Variants in CDKN2B-AS1 observed in about 807,000 individuals in gnomAD.
CDKN2B-AS1 encodes CDKN2B and CDKN2A antisense cis and trans regulatory RNA 1, also known as CDKN2B antisense RNA 1 (non-protein coding).
At chr9:22,086,286 T>G (rs1275603771) in intron 4 of CDKN2B-AS1, among the ~76,000 whole-genome samples, 1 of 152,230 alleles carries the variant, frequency 6.6e-6, no homozygotes, top group Non-Finnish European at 1.5e-5. Flanking sequence ...TTTATTTTAT[T>G]CTGCTCCTTT....
intron 3 of CDKN2B-AS1, among the ~76,000 whole-genome samples, chr9:22,053,232 T>C (rs1296462467): frequency 6.6e-6 from 1 of 152,210 alleles, no homozygotes; most frequent in Non-Finnish European, 1.5e-5. Context: ...AGAATGTATA[T>C]TCTTTATCAC....
At chr9:22,038,090 A>G (rs567837309) in intron 1 of CDKN2B-AS1, among the ~76,000 whole-genome samples, 190 of 152,170 alleles carry the variant, frequency 1.2e-3, no homozygotes, top group African/African-American at 4.5e-3. Flanking sequence ...GCTATAAACA[A>G]TGTTCTTGAC....
At position 22,006,001 on chromosome 9, in the gene CDKN2B-AS1, C is replaced by T. The variant is rs756217982; in HGVS notation, n.29+10840C>T. 1 of 1,602,908 alleles carries T rather than the reference C, an allele frequency of 6.2e-7. No individual in the cohort carries two copies. The highest frequency in any genetic ancestry group is 8.5e-7 in the Non-Finnish European group (1 of 1,179,764). On this transcript the variant is annotated intron_variant and non_coding_transcript_variant, in intron 1 of 4. Transcript: ENST00000650946. This position sits in a 1 kb window ranked among gnomAD's most constrained non-coding sequence, Gnocchi z 6.4. Reference sequence around the variant, plus strand: ...GGAACCTGGCGTCAGTCCCCCGTGGCTGTGCGCAGGTACCCTGCAACGTCG... The same window carrying T: ...GGAACCTGGCGTCAGTCCCCCGTGGTTGTGCGCAGGTACCCTGCAACGTCG...
At chr9:22,045,573 G>A (rs1228450256) in intron 1 of CDKN2B-AS1, among the ~76,000 whole-genome samples, 1 of 151,896 alleles carries the variant, frequency 6.6e-6, no homozygotes, top group Non-Finnish European at 1.5e-5. Flanking sequence ...TCAATGCTTA[G>A]GAAGCAAAAC....
chr9:22,009,195 G>T (rs1243674612), intron 1 of CDKN2B-AS1: 2 of 623,450 alleles, frequency 3.2e-6, no homozygotes, highest in African/African-American at 1.9e-5. Flanking sequence ...CGCCTGGATT[G>T]CTTCTGGGAA....
At chr9:22,121,398 G>GTACA (rs1286189495) in intron 4 of CDKN2B-AS1, among the ~76,000 whole-genome samples, 1 of 151,968 alleles carries the variant, frequency 6.6e-6, no homozygotes, top group Non-Finnish European at 1.5e-5. Context: ...AATTCATAGG[G>GTACA]TACATAGTGG....
chr9:22,060,840 C>G (rs1823787116), intron 4 of CDKN2B-AS1, among the ~76,000 whole-genome samples: 1 of 152,052 alleles, frequency 6.6e-6, no homozygotes, highest in Non-Finnish European at 1.5e-5. Context: ...AAGTGGAAAC[C>G]CCTGATAAAC....
At position 22,072,041 on chromosome 9, in the gene CDKN2B-AS1, C is replaced by G. The variant is rs12555547; in HGVS notation, n.438+15654C>G. ...GTCAGAAGAAGGGACAGGGGAAAGT[C>G]CTGAGCAGTGCAGGTGGATTAAGAA... is the stretch of plus-strand genomic sequence containing the variant. On this transcript the variant is annotated intron_variant and non_coding_transcript_variant, in intron 4 of 4. Coordinates refer to ENST00000650946, the Ensembl canonical transcript of CDKN2B-AS1. Among the ~76,000 whole-genome samples the G allele has an allele frequency of 9.5e-3, 1,445 of 152,276 alleles. 43 individuals carry two copies. The highest frequency in any genetic ancestry group is 0.062 in the Admixed American group (955 of 15,288).
chr9:22,025,436 G>A (rs926403970), intron 1 of CDKN2B-AS1, among the ~76,000 whole-genome samples: 2 of 152,182 alleles, frequency 1.3e-5, no homozygotes, highest in African/African-American at 4.8e-5. Flanking sequence ...GTTGTCCGTG[G>A]CGGCTCTGTC....
Position 22,006,074 on chromosome 9 carries a change from A to G in CDKN2B-AS1, n.29+10913A>G, listed in dbSNP as rs774902423. ...AGTCCACGGGCAGACGACCCCAGGCATCGCGCACGTCCAGCCGCGCCCCGG... is the reference window on the plus strand; with the variant it reads ...AGTCCACGGGCAGACGACCCCAGGCGTCGCGCACGTCCAGCCGCGCCCCGG... On this transcript the variant is annotated intron_variant and non_coding_transcript_variant, in intron 1 of 4. Coordinates refer to ENST00000650946, the Ensembl canonical transcript of CDKN2B-AS1. The surrounding 1 kb of genome is among the most constrained non-coding windows in gnomAD (Gnocchi z 6.4). The G allele has an allele frequency of 6.2e-7, 1 of 1,606,950 alleles. No individual in the cohort carries two copies. Among genetic ancestry groups the G allele is most frequent in the South Asian group, 1.1e-5 (1 of 91,014 alleles).
At chr9:22,091,502 T>G (rs1587518660) in intron 4 of CDKN2B-AS1, among the ~76,000 whole-genome samples, 2 of 152,308 alleles carry the variant, frequency 1.3e-5, no homozygotes, top group South Asian at 4.1e-4. Flanking sequence ...TTTTATTTCA[T>G]TGAGCAGTGG....
In CDKN2B-AS1 at chr9:22,127,963, G is replaced by A. The variant is rs140864802; in HGVS notation, n.1299G>A. On this transcript the variant is annotated non_coding_transcript_exon_variant, in exon 5 of 5. Transcript: ENST00000650946. Reference sequence around the variant, plus strand: ...TAAAAAGGGTAAGGATGCTACAACTGGTAAGCCCTGTGAGAATTATTTAAT... The same window carrying A: ...TAAAAAGGGTAAGGATGCTACAACTAGTAAGCCCTGTGAGAATTATTTAAT... Among the ~76,000 whole-genome samples, 19 of 152,228 alleles carry A rather than the reference G, an allele frequency of 1.2e-4. No individual in the cohort carries two copies. In the East Asian group the frequency reaches 3.7e-3, roughly 29 times the overall value.
At chr9:22,058,378 C>T (rs959562224) in intron 4 of CDKN2B-AS1, 1 of 152,196 alleles carries the variant, frequency 6.6e-6, no homozygotes, top group Admixed American at 6.5e-5. Flanking sequence ...TGAACGCCTT[C>T]ACTGATATCC....
At chr9:22,081,249 A>G (rs560362708) in intron 4 of CDKN2B-AS1, among the ~76,000 whole-genome samples, 1 of 141,588 alleles carries the variant, frequency 7.1e-6, no homozygotes, top group Admixed American at 7.0e-5. Flanking sequence ...ATTCATTCCC[A>G]TGTTATCAGA....
chr9:22,051,838 C>A (rs753476519), intron 3 of CDKN2B-AS1, among the ~76,000 whole-genome samples: 10 of 152,102 alleles, frequency 6.6e-5, no homozygotes, highest in Non-Finnish European at 1.2e-4. Flanking sequence ...GCATATACCA[C>A]GTATATTTAT....
chr9:22,108,065 A>G (rs1287251418), intron 4 of CDKN2B-AS1, among the ~76,000 whole-genome samples: 2 of 152,188 alleles, frequency 1.3e-5, no homozygotes, highest in Non-Finnish European at 2.9e-5. Context: ...ATTAAAAAGA[A>G]GTTGCTGTGA....
intron 1 of CDKN2B-AS1, chr9:22,002,883 T>C (rs912077125): frequency 5.5e-6 from 1 of 180,412 alleles, no homozygotes; most frequent in Admixed American, 6.3e-5. Flanking sequence ...AAATAAAAGA[T>C]AAAAATGAAG....
At chr9:22,053,255 C>T (rs1823429637) in intron 3 of CDKN2B-AS1, among the ~76,000 whole-genome samples, 2 of 152,180 alleles carry the variant, frequency 1.3e-5, no homozygotes, top group Non-Finnish European at 2.9e-5. Flanking sequence ...GGTTATTTAT[C>T]TATCTACAGA....
chr9:22,036,816 C>A (rs913774361), intron 1 of CDKN2B-AS1, among the ~76,000 whole-genome samples: 2 of 152,024 alleles, frequency 1.3e-5, no homozygotes, highest in Non-Finnish European at 2.9e-5. Context: ...TGCCTCTTTC[C>A]ATTACTTAGC....
Sources: allele counts gnomAD v4.1 joint callset (sites outside exome capture counted in the v4.1 genomes callset), GRCh38; gene constraint gnomAD v4.1.1; non-coding constraint Gnocchi (gnomAD v3.1); transcripts MANE v1.5; gene names NCBI Gene and HGNC (gene_info 2026-07-23, HGNC 2026-07-21).